GPATCH11: variants seen among roughly 807,000 people sequenced by gnomAD.
GPATCH11 encodes the protein G patch domain-containing protein 11.
A neutral mutation model predicts 44.8 loss-of-function variants in GPATCH11; 32 were observed. The observed-to-expected ratio is 0.71, with a 90% CI of 0.54 to 0.96. The LOEUF is 0.96. Among genes scored for constraint, GPATCH11 ranks in the 40% least tolerant of loss-of-function variants. The pLI, the probability that GPATCH11 is intolerant of heterozygous loss-of-function variation, is 0.00. For missense variants in GPATCH11, 324 were observed against 303.1 expected (o/e 1.07, Z -0.51); for synonymous variants, 84 against 94.4 (o/e 0.89, Z 0.64).
At chr2:37,091,825 G>C in intron 4 of GPATCH11, 91 bp from the exon 5 acceptor site, 2 of 1,215,428 alleles carry the variant, frequency 1.6e-6, no homozygotes, top group South Asian at 3.2e-5. Flanking sequence ...GTACTCAAAT[G>C]AGAATTGCAT....
intron 4 of GPATCH11, 103 bp downstream of exon 4, chr2:37,090,825 G>C: frequency 1.7e-6 from 1 of 592,268 alleles, no homozygotes; most frequent in Non-Finnish European, 2.9e-6. Flanking sequence ...TGATAATACT[G>C]TTACAGTTCA....
At position 37,094,072 on chromosome 2, in the gene GPATCH11, G is replaced by T; in HGVS notation, c.541-10G>T. The T allele has an allele frequency of 1.3e-6, 2 of 1,502,126 alleles. No homozygotes were observed. Among genetic ancestry groups the T allele is most frequent in the Non-Finnish European group, 1.8e-6 (2 of 1,086,660 alleles). 93.0% of individuals were successfully genotyped at this position (1,502,126 alleles called of 1,614,324 possible). A position where few individuals can be genotyped will look rare whatever the true frequency, so the allele number is the denominator to read the frequency against. On this transcript the variant is annotated splice_polypyrimidine_tract_variant and intron_variant, in intron 6 of 8. Transcript: ENST00000674370. ...AGTATGTTTAATTGAGACTACTTCT[G>T]CATTTTCAGAATATTCAGGTTCCCA...
Position 37,095,488 on chromosome 2 carries a change from T to C in GPATCH11, c.706T>C (p.Tyr236His). ...TAGTTATTTAAGAGAAGAACATCTA[T>C]ATTGTATTTGGTGTGGAACAGCCTA... ...LTSYLREEHL[Y>H]CIWCGTAYED... is the part of the protein sequence containing the mutation. The change falls in exon 8 of 9, where the codon TAT (tyrosine) becomes CAT (histidine). Residue 236 changes from tyrosine (Y) to histidine (H), a missense_variant. Transcript: ENST00000674370. 6.2e-7 allele frequency: 1 copy of C among 1,605,828 alleles called. No individual in the cohort carries two copies. Among genetic ancestry groups the C allele is most frequent in the Non-Finnish European group, 8.5e-7 (1 of 1,176,770 alleles).
chr2:37,093,244 C>A (rs1673419756), intron 6 of GPATCH11, among the ~76,000 whole-genome samples: 1 of 152,048 alleles, frequency 6.6e-6, no homozygotes, highest in Admixed American at 6.6e-5. Context: ...TCTGTAATCT[C>A]AGCACTTTGA....
In GPATCH11 at chr2:37,097,748, C is replaced by G. The variant is rs548612321; in HGVS notation, c.*1485C>G. 2 of 152,262 alleles carry G rather than the reference C, an allele frequency of 1.3e-5. No homozygotes were observed. Among genetic ancestry groups the G allele is most frequent in the East Asian group, 3.9e-4 (2 of 5,186 alleles). The allele number at this position is 152,262 out of a possible 1,614,324, so 9.4% of individuals were successfully genotyped here. ...GTATTAATCTCTGACCTAATATGAC[C>G]TAATTCACTTTTCAAGTTTAACTTG... On this transcript the variant is annotated 3_prime_UTR_variant, in exon 9 of 9. Coordinates refer to ENST00000674370, the MANE Select transcript of GPATCH11 (RefSeq NM_174931.4).
rs753748969 is a variant in GPATCH11 at position 37,088,436 on chromosome 2, G to A, written c.55G>A (p.Val19Ile). 1 of 1,534,324 alleles carries A rather than the reference G, an allele frequency of 6.5e-7. No individual in the cohort carries two copies. Among genetic ancestry groups the A allele is most frequent in the Non-Finnish European group, 9.0e-7 (1 of 1,113,152 alleles). The change falls in exon 2 of 9, where the codon GTC becomes ATC. Residue 19 changes from valine to isoleucine, a missense_variant. By Grantham distance (29) the Val-to-Ile change is conservative (BLOSUM62 3). Transcript: ENST00000674370. ...EDYMSDSFIN[V>I]QEDIRPGLPM... Reference sequence around the variant, plus strand: ...CTATATGTCTGATTCCTTCATTAATGTCCAGTAAGTAAATGTGCACACCCA... The same window carrying A: ...CTATATGTCTGATTCCTTCATTAATATCCAGTAAGTAAATGTGCACACCCA...
chr2:37,089,396 G>A (rs1161455145), intron 2 of GPATCH11, among the ~76,000 whole-genome samples: 1 of 151,854 alleles, frequency 6.6e-6, no homozygotes, highest in Non-Finnish European at 1.5e-5. Flanking sequence ...GCAAAACCCC[G>A]TCTCTACTAA....
At position 37,089,744 on chromosome 2, in the gene GPATCH11, TA is replaced by T. The variant is rs1295595073; in HGVS notation, c.168del (p.Glu57LysfsTer11). The part of the protein sequence containing the change: ...EANLKNRQKS[L>X]KEEEQERRDI... Reference sequence around the variant, plus strand: ...AATTTGAAAAACAGGCAGAAGAGTTTAAAAGAAGAAGAACAAGAAAGACGTG... The same window carrying T: ...AATTTGAAAAACAGGCAGAAGAGTTTAAAGAAGAAGAACAAGAAAGACGTG... On this transcript the variant is annotated frameshift_variant, in exon 3 of 9. Coordinates refer to ENST00000674370, the MANE Select transcript of GPATCH11 (RefSeq NM_174931.4). LOFTEE classifies it high-confidence loss of function. 1.3e-6 allele frequency: 2 copies of T among 1,551,720 alleles called. No homozygotes were observed. The highest frequency in any genetic ancestry group is 1.7e-6 in the Non-Finnish European group (2 of 1,147,030).
intron 7 of GPATCH11, 105 bp from the exon 8 acceptor site, chr2:37,095,332 A>T (rs549992357): frequency 7.5e-7 from 1 of 1,331,006 alleles, no homozygotes; most frequent in African/African-American, 1.5e-5. Context: ...ATTCCAGAGT[A>T]TAGCAGAATA....
At position 37,092,590 on chromosome 2, in the gene GPATCH11, T is replaced by TG. The variant is rs1426975476; in HGVS notation, c.540+337dup. On this transcript the variant is annotated intron_variant, in intron 6 of 8. Transcript: ENST00000674370. ...TGATCTGTGACAATTGATATAAAAA[T>TG]GGCTTATTATTTACTATAGTAACCT... 2.0e-5 allele frequency among the ~76,000 whole-genome samples: 3 copies of TG among 149,818 alleles called. No homozygotes were observed. In the Admixed American group the frequency reaches 2.0e-4, roughly 10 times the overall value.
chr2:37,091,788 G>A (rs1673330922), intron 4 of GPATCH11, 128 bp from the exon 5 acceptor site: 1 of 736,592 alleles, frequency 1.4e-6, no homozygotes, highest in African/African-American at 1.8e-5. Context: ...TCTACTATTA[G>A]TGTACTCAAA....
Position 37,090,710 on chromosome 2 carries a change from A to C in GPATCH11, c.316A>C (p.Asn106His). Residue 106 changes from asparagine (N) to histidine (H), a missense_variant, in exon 4 of 9, where the codon AAT (asparagine) becomes CAT (histidine). Physicochemically the swap from Asn to His is moderately conservative, Grantham distance 68 (BLOSUM62 1). Coordinates refer to ENST00000674370, the MANE Select transcript of GPATCH11 (RefSeq NM_174931.4). ...TGGTATTGTTGAACCAATTCCTCTC[A>C]ATATCAAAACAGGTACGTAATTATT... is the stretch of plus-strand genomic sequence containing the variant. ...GGGIVEPIPL[N>H]IKTGKSGIGH... 1 of 1,462,358 alleles carries C rather than the reference A, an allele frequency of 6.8e-7. No individual in the cohort carries two copies. Among genetic ancestry groups the C allele is most frequent in the Non-Finnish European group, 9.3e-7 (1 of 1,071,304 alleles). 90.6% of individuals were successfully genotyped at this position (1,462,358 alleles called of 1,614,324 possible).
rs753195975 is a variant in GPATCH11, at chr2:37,094,130, G to A, written c.589G>A (p.Glu197Lys). The A allele has an allele frequency of 3.1e-5, 49 of 1,594,944 alleles. No homozygotes were observed. In the South Asian group the frequency reaches 4.9e-4, roughly 16 times the overall value. ...EAWYWLRLEE[E>K]TEEDEEEKEQ... ...ATGGTACTGGTTGAGGCTTGAAGAG[G>A]AGACTGAAGAAGATGAAGAAGAAAA... is the stretch of plus-strand genomic sequence containing the variant. Residue 197 changes from glutamate (E) to lysine (K), a missense_variant, in exon 7 of 9, where the codon GAG (glutamate) becomes AAG (lysine). Coordinates refer to ENST00000674370, the MANE Select transcript of GPATCH11 (RefSeq NM_174931.4).
intron 7 of GPATCH11, 188 bp downstream of exon 7, chr2:37,094,383 T>C: frequency 2.1e-6 from 1 of 480,378 alleles, no homozygotes; most frequent in Non-Finnish European, 3.8e-6. Context: ...TCTCCAGACA[T>C]TGCTAAATGT....
Position 37,098,300 on chromosome 2 carries a change from G to GTGAC in GPATCH11, c.*2038_*2041dup. ...ATCATGCTGCTGCACTCCAGCCTGG[G>GTGAC]TGACAGAGCAAGACCCTGTCTCAAA... On this transcript the variant is annotated 3_prime_UTR_variant, in exon 9 of 9. Transcript: ENST00000674370. The GTGAC allele has an allele frequency of 6.6e-6, 1 of 150,754 alleles. No homozygotes were observed. Among genetic ancestry groups the GTGAC allele is most frequent in the South Asian group, 2.1e-4 (1 of 4,802 alleles). The allele number at this position is 150,754 out of a possible 1,614,324, so 9.3% of individuals were successfully genotyped here.
At chr2:37,089,539 C>A (rs1343805384) in intron 2 of GPATCH11, 101 bp from the exon 3 acceptor site, 3 of 861,916 alleles carry the variant, frequency 3.5e-6, no homozygotes, top group South Asian at 1.8e-5. Context: ...TGCATTACAG[C>A]CCGGGCAACA....
At chr2:37,088,075 G>A (rs75617735) in intron 1 of GPATCH11, among the ~76,000 whole-genome samples, 5,230 of 152,276 alleles carry the variant, frequency 0.034, 125 homozygotes, top group Non-Finnish European at 0.052. Flanking sequence ...CAACTGTAGA[G>A]AAAACGTCTG....
chr2:37,086,241 C>G (rs944299732), intron 1 of GPATCH11, among the ~76,000 whole-genome samples: 1 of 152,198 alleles, frequency 6.6e-6, no homozygotes, highest in African/African-American at 2.4e-5. Context: ...GAATGTTTGA[C>G]TCACAGAAAT....
intron 6 of GPATCH11, 68 bp downstream of exon 6, chr2:37,092,323 A>T (rs1054640938): frequency 1.4e-5 from 4 of 284,430 alleles, no homozygotes; most frequent in Admixed American, 5.6e-5. Context: ...CCGTTTATTT[A>T]TTATATATAT....
Sources: gnomAD v4.1 joint callset for allele counts (sites outside exome capture counted in the v4.1 genomes callset) on GRCh38, gnomAD v4.1.1 for gene constraint, MANE v1.5 for transcripts, NCBI Gene and HGNC (gene_info 2026-07-23, HGNC 2026-07-21) for gene names.